Variants in FAT2 observed in about 807,000 individuals in gnomAD.
FAT2 encodes protocadherin Fat 2.
A neutral mutation model predicts 295.3 loss-of-function variants in FAT2; 150 were observed. The ratio of observed to expected loss-of-function variants is 0.51; its 90% CI spans 0.44 to 0.58. The LOEUF (loss-of-function observed/expected upper bound fraction) is 0.58, where lower values mean the gene tolerates loss of function less well. FAT2 is among the 20% of genes least tolerant of loss of function. The probability of loss-of-function intolerance (pLI) is 0.00; values close to 1 mark genes in which losing one functional copy is unlikely to be tolerated. For synonymous variants in FAT2, 2,026 were observed against 2,150.3 expected, an observed-to-expected ratio of 0.94 and a Z score of 1.60; for missense variants, 4,868 against 5,442.7, an observed-to-expected ratio of 0.89 and a Z score of 3.32.
At chr5:151,553,488 C>T in intron 5 of FAT2, 101 bp from the exon 6 acceptor site, 1 of 990,256 alleles carries the variant, frequency 1.0e-6, no homozygotes, top group Non-Finnish European at 1.5e-6. Flanking sequence ...TCTGACCAAG[C>T]AGGCCTCTCA....
intron 1 of FAT2, among the ~76,000 whole-genome samples, chr5:151,579,376 A>G (rs1176861769): frequency 6.6e-6 from 1 of 152,164 alleles, no homozygotes; most frequent in South Asian, 2.1e-4. Context: ...GTTTGAGACC[A>G]GCTTAGGCAA....
rs1756322096 is a variant in FAT2, at chr5:151,543,159, G to A, written c.7968C>T (p.Thr2656=). ...CTTGGGCTTTGATGAAGAAGTCAAG[G>A]GTCTGATTTTCCAATCCCACCAGGC... is the stretch of plus-strand genomic sequence containing the variant. ...KDSLVGLENQ[T]LDFFIKAQDG... is the part of the protein sequence containing the mutation. Residue 2656 remains threonine (T), a synonymous_variant, in exon 10 of 24, where the codon ACC becomes ACT. Coordinates refer to ENST00000261800, the MANE Select transcript of FAT2 (RefSeq NM_001447.3). 6.2e-7 allele frequency: 1 copy of A among 1,614,066 alleles called. No individual in the cohort carries two copies. The highest frequency in any genetic ancestry group is 1.1e-5 in the South Asian group (1 of 91,074).
rs751829289 is a variant in FAT2, at chr5:151,521,309, G to A, written c.11284C>T (p.Arg3762Trp). 37 of 1,611,800 alleles carry A rather than the reference G, an allele frequency of 2.3e-5. No homozygotes were observed. The highest frequency in any genetic ancestry group is 1.6e-4 in the African/African-American group (12 of 74,858). ...GAGCAGCTCCTCTGCAGGTGGTGCCGCGGGGTTAGGATGCTGAGCCTGGCG... is the reference window on the plus strand; with the variant it reads ...GAGCAGCTCCTCTGCAGGTGGTGCCACGGGGTTAGGATGCTGAGCCTGGCG... ...STARLSILTP[R>W]HHLQRSCSCN... The change falls in exon 19 of 24, where the codon CGG becomes TGG. Residue 3762 changes from arginine to tryptophan, a missense_variant. Around this residue, in one of 5 missense-constraint regions of FAT2, gnomAD observed 1,046 missense variants for 1,210.1 expected, o/e 0.86. Coordinates refer to ENST00000261800, the MANE Select transcript of FAT2 (RefSeq NM_001447.3).
chr5:151,555,650 A>C (rs1411501795), intron 4 of FAT2, among the ~76,000 whole-genome samples: 1 of 152,304 alleles, frequency 6.6e-6, no homozygotes, highest in East Asian at 1.9e-4. Flanking sequence ...GATTACAGGC[A>C]TGAGCCACCG....
chr5:151,543,989 TG>T lies in FAT2; in HGVS notation c.7137del (p.Phe2379LeufsTer39). The T allele has an allele frequency of 6.2e-7, 1 of 1,614,210 alleles. No homozygotes were observed. The highest frequency in any genetic ancestry group is 8.5e-7 in the Non-Finnish European group (1 of 1,180,034). On this transcript the variant is annotated frameshift_variant, in exon 10 of 24. Transcript: ENST00000261800. LOFTEE classifies it high-confidence loss of function. Reference protein sequence around the residue: ...VSDINDNPPEFRQPQYEANVS... With the variant: ...VSDINDNPPEXRQPQYEANVS... Reference sequence around the variant, plus strand: ...ACATTGGCTTCATATTGAGGTTGTCTGAACTCTGGGGGGTTGTCATTGATAT... The same window carrying T: ...ACATTGGCTTCATATTGAGGTTGTCTAACTCTGGGGGGTTGTCATTGATAT...
chr5:151,526,252 G>A (rs1383161449), intron 17 of FAT2, among the ~76,000 whole-genome samples: 1 of 152,222 alleles, frequency 6.6e-6, no homozygotes, highest in Admixed American at 6.5e-5. Flanking sequence ...TTATTCTGTA[G>A]AGAGATGACT....
At chr5:151,533,727 A>G (rs1754928024) in intron 13 of FAT2, among the ~76,000 whole-genome samples, 2 of 152,080 alleles carry the variant, frequency 1.3e-5, no homozygotes, top group Admixed American at 6.6e-5. Context: ...ATACATATAT[A>G]TATACATACA....
At chr5:151,555,325 T>C (rs1757587073) in intron 4 of FAT2, among the ~76,000 whole-genome samples, 1 of 152,082 alleles carries the variant, frequency 6.6e-6, no homozygotes, top group South Asian at 2.1e-4. Flanking sequence ...TCCCTAGGAA[T>C]TCTAGAAGGC....
At chr5:151,592,483 G>C (rs541449295), upstream of FAT2, among the ~76,000 whole-genome samples, 49 of 152,152 alleles carry the variant, frequency 3.2e-4, no homozygotes, top group African/African-American at 1.1e-3. Flanking sequence ...AAATAAGTGA[G>C]TCTTTGCTTG....
chr5:151,559,625 C>A (rs1031084268), intron 3 of FAT2, among the ~76,000 whole-genome samples: 7 of 151,798 alleles, frequency 4.6e-5, no homozygotes, highest in Non-Finnish European at 7.4e-5. Flanking sequence ...CCCCCTGTGC[C>A]TCTGAATCTC....
In FAT2 at chr5:151,544,151, C is replaced by G. The variant is rs1451962597; in HGVS notation, c.6976G>C (p.Gly2326Arg). 1 of 1,614,062 alleles carries G rather than the reference C, an allele frequency of 6.2e-7. No homozygotes were observed. Among genetic ancestry groups the G allele is most frequent in the East Asian group, 2.2e-5 (1 of 44,896 alleles). ...ACTGTGGACATCTCCCCTGTGCTCC[C>G]ATTGATCTGGAAGAACTTGGAAACA... ...SDVSKFFQIN[G>R]STGEMSTVQE... The change falls in exon 10 of 24, where the codon GGG (glycine) becomes CGG (arginine). Residue 2326 changes from glycine (G) to arginine (R), a missense_variant. By Grantham distance (125) the Gly-to-Arg change is moderately radical (BLOSUM62 -2). Coordinates refer to ENST00000261800, the MANE Select transcript of FAT2 (RefSeq NM_001447.3).
chr5:151,569,568 A>G (rs1237091790), intron 1 of FAT2, among the ~76,000 whole-genome samples: 3 of 152,196 alleles, frequency 2.0e-5, no homozygotes, highest in African/African-American at 7.2e-5. Context: ...CCCAATGTCA[A>G]TAGTGCCATG....
At position 151,512,037 on chromosome 5, in the gene FAT2, C is replaced by A; in HGVS notation, c.11905+128G>T. On this transcript the variant is annotated intron_variant, in intron 21 of 23. Coordinates refer to ENST00000261800, the MANE Select transcript of FAT2 (RefSeq NM_001447.3). This position sits in a 1 kb window ranked among gnomAD's most constrained non-coding sequence, Gnocchi z 4.1. ...ATATTGCAGATTCCAACCTGTTACTCACAAGTTAGGGGAAGAGAGAGAAAT... is the reference window on the plus strand; with the variant it reads ...ATATTGCAGATTCCAACCTGTTACTAACAAGTTAGGGGAAGAGAGAGAAAT... 1.2e-6 allele frequency: 1 copy of A among 807,430 alleles called. No homozygotes were observed. The highest frequency in any genetic ancestry group is 2.7e-5 in the East Asian group (1 of 37,278). 50.0% of individuals were successfully genotyped at this position (807,430 alleles called of 1,614,324 possible). A position where few individuals can be genotyped will look rare whatever the true frequency, so the allele number is the denominator to read the frequency against.
intron 11 of FAT2, among the ~76,000 whole-genome samples, chr5:151,539,756 T>C (rs556034109): frequency 6.6e-6 from 1 of 152,366 alleles, no homozygotes; most frequent in Admixed American, 6.5e-5. Context: ...ACAGCAATTG[T>C]TGGTTTATGC....
intron 2 of FAT2, 26 bp downstream of exon 2, chr5:151,565,647 A>AGGGGC: frequency 7.5e-6 from 11 of 1,460,990 alleles, no homozygotes; most frequent in Non-Finnish European, 8.3e-6. Flanking sequence ...TGGCCCTGGC[A>AGGGGC]CCCCACCCTA....
At chr5:151,519,521 G>A (rs1429906027) in intron 19 of FAT2, among the ~76,000 whole-genome samples, 1 of 152,178 alleles carries the variant, frequency 6.6e-6, no homozygotes, top group East Asian at 1.9e-4. Context: ...TTCTCTCGGA[G>A]AATCTGATTC....
At chr5:151,542,031 CT>C (rs1217402661) in intron 10 of FAT2, among the ~76,000 whole-genome samples, 1 of 152,150 alleles carries the variant, frequency 6.6e-6, no homozygotes, top group Non-Finnish European at 1.5e-5. Flanking sequence ...ATGAGACATA[CT>C]TTTTGCAAAG....
rs867609310 is a variant in FAT2 at position 151,545,831 on chromosome 5, G to T, written c.5296C>A (p.Gln1766Lys). 2 of 1,613,982 alleles carry T rather than the reference G, an allele frequency of 1.2e-6. No individual in the cohort carries two copies. Among genetic ancestry groups the T allele is most frequent in the Non-Finnish European group, 1.7e-6 (2 of 1,180,026 alleles). Residue 1766 changes from glutamine to lysine, a missense_variant, in exon 10 of 24, where the codon CAA (glutamine) becomes AAA (lysine). This residue lies in a region of FAT2 where 3,297 missense variants were observed against 3,669.4 expected (regional missense o/e 0.90). Transcript: ENST00000261800. ...PMFLKSTFVG[Q>K]ISEAAPLYSM... Reference sequence around the variant, plus strand: ...TACAGTGGAGCTGCTTCACTAATTTGGCCCACAAAAGTTGACTTTAAGAAC... The same window carrying T: ...TACAGTGGAGCTGCTTCACTAATTTTGCCCACAAAAGTTGACTTTAAGAAC...
rs1394798861 is a variant in FAT2, at chr5:151,553,492, C to T, written c.3946-105G>A. On this transcript the variant is annotated intron_variant, in intron 5 of 23. Transcript: ENST00000261800. ...CGTCCTGTGATTCTGACCAAGCAGGCCTCTCATCCAGTCATTCATTCATCT... is the reference window on the plus strand; with the variant it reads ...CGTCCTGTGATTCTGACCAAGCAGGTCTCTCATCCAGTCATTCATTCATCT... The T allele has an allele frequency of 4.0e-5, 38 of 961,218 alleles. 1 individual carries two copies. The allele number at this position is 961,218 out of a possible 1,614,324, so 59.5% of individuals were successfully genotyped here.
Sources: gnomAD v4.1 joint callset for allele counts (sites outside exome capture counted in the v4.1 genomes callset) on GRCh38, gnomAD v4.1.1 for gene constraint, gnomAD v4.1.1 regional missense constraint, Gnocchi (gnomAD v3.1) non-coding constraint, MANE v1.5 for transcripts, NCBI Gene and HGNC (gene_info 2026-07-23, HGNC 2026-07-21) for gene names.